TOMM40: variants seen among roughly 807,000 people sequenced by gnomAD.
The protein encoded by TOMM40 is translocase of outer mitochondrial membrane 40.
In TOMM40, 9 loss-of-function variants were observed where a neutral mutation model predicts 38.4. That is an observed-to-expected ratio of 0.23 (90% confidence interval 0.14 to 0.41). TOMM40 has a LOEUF of 0.41. Ranked by LOEUF, TOMM40 falls within the 10% of genes least tolerant of loss-of-function variation. The probability of loss-of-function intolerance (pLI) is 1.00; values close to 1 mark genes in which losing one functional copy is unlikely to be tolerated. For missense variants in TOMM40, 299 were observed against 486.5 expected, an observed-to-expected ratio of 0.61 and a Z score of 3.63; for synonymous variants, 184 against 210.0, an observed-to-expected ratio of 0.88 and a Z score of 1.07.
chr19:44,891,796 C>A, intron 1 of TOMM40, 107 bp downstream of exon 1: 1 of 1,187,778 alleles, frequency 8.4e-7, no homozygotes, highest in Non-Finnish European at 1.1e-6. Context: ...AATTATTTAA[C>A]AGCACTAGGA....
chr19:44,901,079 C>T lies in TOMM40; in HGVS notation c.818C>T (p.Thr273Ile). 2 of 1,614,264 alleles carry T rather than the reference C, an allele frequency of 1.2e-6. No homozygotes were observed. Among genetic ancestry groups the T allele is most frequent in the Non-Finnish European group, 1.7e-6 (2 of 1,180,040 alleles). The part of the protein sequence containing the change: ...VTLGQAGMHA[T>I]YYHKASDQLQ... ...TTGGGCCAGGCGGGCATGCACGCAA[C>T]ATACTACCACAAAGCCAGTGACCAG... is the stretch of plus-strand genomic sequence containing the variant. The change falls in exon 7 of 9, where the codon ACA becomes ATA. Residue 273 changes from threonine (T) to isoleucine (I), a missense_variant. By Grantham distance (89) the Thr-to-Ile change is moderately conservative. Coordinates refer to ENST00000426677, the MANE Select transcript of TOMM40 (RefSeq NM_001128917.2).
At chr19:44,899,018 G>T (rs950827585) in intron 5 of TOMM40, among the ~76,000 whole-genome samples, 2 of 150,964 alleles carry the variant, frequency 1.3e-5, no homozygotes, top group African/African-American at 4.9e-5. Flanking sequence ...TGTAGTCCCA[G>T]CTACTCGGAG....
At chr19:44,896,730 G>A (rs1969572311) in intron 5 of TOMM40, among the ~76,000 whole-genome samples, 1 of 152,162 alleles carries the variant, frequency 6.6e-6, no homozygotes, top group South Asian at 2.1e-4. Flanking sequence ...CTGGGACACA[G>A]CAGTGACCGA....
intron 8 of TOMM40, chr19:44,901,541 C>T (rs1969683756): frequency 8.9e-7 from 1 of 1,121,892 alleles, no homozygotes; most frequent in Non-Finnish European, 1.2e-6. Flanking sequence ...TTGAGACCAT[C>T]CTGGCTAACA....
At chr19:44,894,223 G>A (rs555450733) in intron 5 of TOMM40, among the ~76,000 whole-genome samples, 157 bp downstream of exon 5, 2 of 150,696 alleles carry the variant, frequency 1.3e-5, no homozygotes, top group African/African-American at 4.9e-5. Context: ...TGGGTGAGAC[G>A]GTCACCCACT....
At chr19:44,892,304 C>G in intron 1 of TOMM40, 89 bp from the exon 2 acceptor site, 2 of 1,272,606 alleles carry the variant, frequency 1.6e-6, no homozygotes, top group Non-Finnish European at 2.3e-6. Context: ...TGCTGTGGGT[C>G]TCTGGAGAGA....
Position 44,891,670 on chromosome 19 carries a change from G to T in TOMM40, c.255G>T (p.Glu85Asp), listed in dbSNP as rs1969468535. The change falls in exon 1 of 9, where the codon GAG (glutamate) becomes GAT (aspartate). Residue 85 changes from glutamate (E) to aspartate (D), a missense_variant. Coordinates refer to ENST00000426677, the MANE Select transcript of TOMM40 (RefSeq NM_001128917.2). ...TGCCCAACCCGGGCACATTCGAGGA[G>T]TGCCACCGGAAGTGCAAGGGTGAGG... ...GCLPNPGTFE[E>D]CHRKCKELFP... The T allele has an allele frequency of 6.8e-7, 1 of 1,479,638 alleles. No homozygotes were observed. The highest frequency in any genetic ancestry group is 2.9e-5 in the East Asian group (1 of 34,260). The allele number at this position is 1,479,638 out of a possible 1,614,324, so 91.7% of individuals were successfully genotyped here. A position where few individuals can be genotyped will look rare whatever the true frequency, so the allele number is the denominator to read the frequency against.
At chr19:44,897,686 G>A (rs1185712904) in intron 5 of TOMM40, among the ~76,000 whole-genome samples, 2 of 151,426 alleles carry the variant, frequency 1.3e-5, no homozygotes, top group African/African-American at 4.8e-5. Flanking sequence ...AGGCAGGAGA[G>A]TCACTTGAAC....
chr19:44,892,339 G>A (rs1431834808), intron 1 of TOMM40, 54 bp from the exon 2 acceptor site: 35 of 1,548,088 alleles, frequency 2.3e-5, no homozygotes, highest in Non-Finnish European at 3.1e-5. Context: ...GGAAGGAAGA[G>A]ATGAGAGTTG....
At chr19:44,892,957 G>T (rs1969496091) in intron 3 of TOMM40, 28 bp downstream of exon 3, 1 of 1,583,574 alleles carries the variant, frequency 6.3e-7, no homozygotes, top group African/African-American at 1.3e-5. Context: ...TCCATTCATT[G>T]TATCCTTCTA....
At position 44,891,346 on chromosome 19, in the gene TOMM40, T is replaced by G; in HGVS notation, c.-70T>G. ...ACCGGGGCCGGAGCCGGGTGCGGAT[T>G]TGCTGGGGCTGAGTCGGGGGCGCGC... On this transcript the variant is annotated 5_prime_UTR_variant, in exon 1 of 9. In the 5' UTR this introduces an upstream ATG that the reference lacks. Transcript: ENST00000426677. The G allele has an allele frequency of 8.2e-7, 1 of 1,220,760 alleles. No individual in the cohort carries two copies. Among genetic ancestry groups the G allele is most frequent in the Non-Finnish European group, 1.0e-6 (1 of 979,480 alleles). The allele number at this position is 1,220,760 out of a possible 1,614,324, so 75.6% of individuals were successfully genotyped here.
chr19:44,898,757 C>T (rs1209436945), intron 5 of TOMM40, among the ~76,000 whole-genome samples: 1 of 151,664 alleles, frequency 6.6e-6, no homozygotes, highest in Non-Finnish European at 1.5e-5. Context: ...AGGCTGGTCT[C>T]GAACCTCCGA....
At chr19:44,892,781 C>T in intron 2 of TOMM40, 56 bp from the exon 3 acceptor site, 1 of 1,456,988 alleles carries the variant, frequency 6.9e-7, no homozygotes, top group South Asian at 1.2e-5. Flanking sequence ...TCCTTGCCCT[C>T]TTCAGTGGGC....
intron 5 of TOMM40, among the ~76,000 whole-genome samples, chr19:44,899,895 A>G (rs1969647238): frequency 2.1e-5 from 3 of 142,644 alleles, no homozygotes; most frequent in Admixed American, 1.6e-4. Flanking sequence ...CTCCCTTCTC[A>G]GCCTCCCAAA....
At chr19:44,894,256 G>A (rs751161277) in intron 5 of TOMM40, among the ~76,000 whole-genome samples, 190 bp downstream of exon 5, 33 of 127,950 alleles carry the variant, frequency 2.6e-4, no homozygotes, top group Non-Finnish European at 3.3e-4. Context: ...GTGAGTCAGA[G>A]CAGTCTTTTT....
chr19:44,894,348 A>C (rs944855965), intron 5 of TOMM40, among the ~76,000 whole-genome samples: 3 of 142,890 alleles, frequency 2.1e-5, no homozygotes, highest in African/African-American at 8.0e-5. Context: ...TGCAACCTCC[A>C]TCTCCTGGGT....
chr19:44,895,842 C>T (rs1417485658), intron 5 of TOMM40, among the ~76,000 whole-genome samples: 1 of 152,156 alleles, frequency 6.6e-6, no homozygotes, highest in Non-Finnish European at 1.5e-5. Flanking sequence ...CCACCGCGCC[C>T]GGCCGACCAT....
chr19:44,892,519 A>G (rs1969486707), intron 2 of TOMM40, 59 bp downstream of exon 2: 2 of 1,512,206 alleles, frequency 1.3e-6, no homozygotes, highest in Admixed American at 1.7e-5. Flanking sequence ...CCCTCCCTGC[A>G]TCTGCACACT....
chr19:44,899,065 G>A (rs1270791683), intron 5 of TOMM40, among the ~76,000 whole-genome samples: 5 of 150,096 alleles, frequency 3.3e-5, no homozygotes, highest in African/African-American at 9.9e-5. Context: ...CCCGGGAGGT[G>A]GAGCTTGCAG....
Sources: gnomAD v4.1 joint callset for allele counts (sites outside exome capture counted in the v4.1 genomes callset) on GRCh38, gnomAD v4.1.1 for gene constraint, MANE v1.5 for transcripts, NCBI Gene and HGNC (gene_info 2026-07-23, HGNC 2026-07-21) for gene names.